The following SHISA6 variants were observed in gnomAD, a reference collection of about 807,000 sequenced individuals.
SHISA6 encodes the protein protein shisa-6.
SHISA6 carries 22 observed loss-of-function variants against 47.9 expected under a neutral mutation model. The ratio of observed to expected loss-of-function variants is 0.46; its 90% CI spans 0.33 to 0.66. SHISA6 has a LOEUF of 0.66. Among genes scored for constraint, SHISA6 ranks in the 30% least tolerant of loss-of-function variants. The pLI is 0.02. For synonymous variants in SHISA6, 388 were observed against 337.8 expected, an observed-to-expected ratio of 1.15 and a Z score of -1.63; for missense variants, 680 against 764.6, an observed-to-expected ratio of 0.89 and a Z score of 1.30.
intron 3 of SHISA6, among the ~76,000 whole-genome samples, chr17:11,525,782 G>C (rs2071674444): frequency 6.6e-6 from 1 of 151,948 alleles, no homozygotes; most frequent in Non-Finnish European, 1.5e-5. Flanking sequence ...TTGGGAGGTT[G>C]AGGAGGGCTC....
At chr17:11,432,760 A>C (rs780256153) in intron 3 of SHISA6, among the ~76,000 whole-genome samples, 35 of 152,152 alleles carry the variant, frequency 2.3e-4, no homozygotes, top group Non-Finnish European at 4.3e-4. Flanking sequence ...AAGCTTGAAC[A>C]CATTATGCAA....
intron 2 of SHISA6, among the ~76,000 whole-genome samples, chr17:11,366,120 G>A (rs1190702798): frequency 6.6e-6 from 1 of 152,218 alleles, no homozygotes; most frequent in Non-Finnish European, 1.5e-5. Flanking sequence ...GCCATGGTGT[G>A]TAATGTCCTG....
intron 3 of SHISA6, among the ~76,000 whole-genome samples, chr17:11,500,586 C>A (rs2142346427): frequency 6.6e-6 from 1 of 152,304 alleles, no homozygotes; most frequent in Non-Finnish European, 1.5e-5. Flanking sequence ...CATAGTTTTC[C>A]TGGTTTGTTC....
chr17:11,374,688 C>A (rs1028983272), intron 2 of SHISA6, among the ~76,000 whole-genome samples: 1 of 151,880 alleles, frequency 6.6e-6, no homozygotes, highest in African/African-American at 2.4e-5. Context: ...AAAATAATAG[C>A]AAGCTCTTAT....
intron 2 of SHISA6, among the ~76,000 whole-genome samples, chr17:11,293,725 G>GT (rs1476920654): frequency 3.3e-5 from 5 of 152,148 alleles, no homozygotes; most frequent in Non-Finnish European, 7.4e-5. Flanking sequence ...CCTCAGCGAA[G>GT]TCAGTCTCTG....
intron 3 of SHISA6, among the ~76,000 whole-genome samples, chr17:11,423,324 T>TATCTATATATGCCTGTAAC (rs1567602048): frequency 6.5e-4 from 45 of 68,960 alleles, no homozygotes; most frequent in African/African-American, 2.4e-3. Flanking sequence ...CTGTAACATA[T>TATCTATATATGCCTGTAAC]ATATAGATAG....
At chr17:11,491,646 G>A (rs2142338500) in intron 3 of SHISA6, among the ~76,000 whole-genome samples, 1 of 152,260 alleles carries the variant, frequency 6.6e-6, no homozygotes, top group African/African-American at 2.4e-5. Flanking sequence ...GGACTATGGA[G>A]GAGTAATGGA....
At chr17:11,255,467 T>G (rs992173968) in intron 1 of SHISA6, among the ~76,000 whole-genome samples, 1 of 152,188 alleles carries the variant, frequency 6.6e-6, no homozygotes, top group Non-Finnish European at 1.5e-5. Context: ...CCCATTTGAC[T>G]CCTGATTTCT....
intron 2 of SHISA6, chr17:11,289,784 A>G (rs934871094): frequency 1.3e-5 from 2 of 152,068 alleles, no homozygotes; most frequent in African/African-American, 4.8e-5. Flanking sequence ...ATCAGTGATT[A>G]TATACCTTTT....
intron 2 of SHISA6, among the ~76,000 whole-genome samples, chr17:11,329,671 T>G (rs2142203296): frequency 6.6e-6 from 1 of 152,200 alleles, no homozygotes; most frequent in East Asian, 1.9e-4. Flanking sequence ...ACAGCTTTCC[T>G]TATGTGGTTT....
chr17:11,336,830 G>C (rs544828045), intron 2 of SHISA6, among the ~76,000 whole-genome samples: 3 of 152,310 alleles, frequency 2.0e-5, no homozygotes, highest in East Asian at 3.9e-4. Flanking sequence ...TGTCACCTCT[G>C]ATTTCTTCCA....
At chr17:11,317,905 G>T (rs1910578611) in intron 2 of SHISA6, among the ~76,000 whole-genome samples, 1 of 151,646 alleles carries the variant, frequency 6.6e-6, no homozygotes, top group Admixed American at 6.6e-5. Flanking sequence ...AAATATATGG[G>T]GGTGGTAAGG....
rs1348573505 is a variant in SHISA6, at chr17:11,562,595, G to C, written c.*4291G>C. Reference sequence around the variant, plus strand: ...ATACTCTAGGAGAAAAAAAGCATAGGGCTGAGGCTCTGAAGACACAGCTTC... The same window carrying C: ...ATACTCTAGGAGAAAAAAAGCATAGCGCTGAGGCTCTGAAGACACAGCTTC... On this transcript the variant is annotated 3_prime_UTR_variant, in exon 6 of 6. Transcript: ENST00000441885. The C allele has an allele frequency of 6.6e-6, 1 of 152,082 alleles. No homozygotes were observed. The highest frequency in any genetic ancestry group is 2.4e-5 in the African/African-American group (1 of 41,410). The allele number at this position is 152,082 out of a possible 1,614,324, so 9.4% of individuals were successfully genotyped here. A position where few individuals can be genotyped will look rare whatever the true frequency, so the allele number is the denominator to read the frequency against.
chr17:11,439,700 A>G (rs1915048211), intron 3 of SHISA6, among the ~76,000 whole-genome samples: 1 of 152,210 alleles, frequency 6.6e-6, no homozygotes, highest in South Asian at 2.1e-4. Flanking sequence ...GTAGAACTTG[A>G]GAAACATAAG....
rs565545662 is a variant in SHISA6, at chr17:11,333,973, C to T, written c.800-45441C>T. On this transcript the variant is annotated intron_variant, in intron 2 of 5. Transcript: ENST00000441885. ...AGAGGGCACAGAAGCTCCGTGCTCC[C>T]CACTCTCCATACATTGCCCTGTGCA... Among the ~76,000 whole-genome samples the T allele has an allele frequency of 9.8e-5, 15 of 152,318 alleles. No individual in the cohort carries two copies. The East Asian group carries it at 2.7e-3, about 27-fold the overall frequency.
chr17:11,332,466 T>C (rs1911154185), intron 2 of SHISA6, among the ~76,000 whole-genome samples: 1 of 152,138 alleles, frequency 6.6e-6, no homozygotes, highest in African/African-American at 2.4e-5. Flanking sequence ...ATCCATGGGC[T>C]CCCAAAACTT....
chr17:11,459,627 G>A (rs1355729203), intron 3 of SHISA6, among the ~76,000 whole-genome samples: 2 of 152,176 alleles, frequency 1.3e-5, no homozygotes, highest in African/African-American at 4.8e-5. Flanking sequence ...GTAGAGGAAA[G>A]GTTCTGTGAA....
chr17:11,313,710 A>G (rs1910411253), intron 2 of SHISA6, among the ~76,000 whole-genome samples: 1 of 152,070 alleles, frequency 6.6e-6, no homozygotes, highest in Admixed American at 6.5e-5. Flanking sequence ...ACAACTGGGA[A>G]ATTGAGGTGG....
chr17:11,403,382 C>A (rs1321247369), intron 3 of SHISA6, among the ~76,000 whole-genome samples: 3 of 152,202 alleles, frequency 2.0e-5, no homozygotes, highest in Admixed American at 2.0e-4. Flanking sequence ...TGCTGGGAAT[C>A]TGATTGCTTT....
Sources: gnomAD v4.1 joint callset for allele counts (sites outside exome capture counted in the v4.1 genomes callset) on GRCh38, gnomAD v4.1.1 for gene constraint, MANE v1.5 for transcripts, NCBI Gene and HGNC (gene_info 2026-07-23, HGNC 2026-07-21) for gene names.